Variants in EHMT1 observed in about 807,000 individuals in gnomAD.
EHMT1 encodes the protein histone-lysine N-methyltransferase EHMT1.
EHMT1 carries 15 observed loss-of-function variants against 147.2 expected under a neutral mutation model. The ratio of observed to expected loss-of-function variants is 0.10; its 90% confidence interval spans 0.07 to 0.16. The LOEUF (loss-of-function observed/expected upper bound fraction) is 0.16, where lower values mean the gene tolerates loss of function less well. EHMT1 is among the 10% of genes least tolerant of loss of function. EHMT1 has a pLI of 1.00. For missense variants in EHMT1, 1,587 were observed against 1,772.4 expected (o/e 0.90, Z 1.88); for synonymous variants, 795 against 709.6 (o/e 1.12, Z -1.91).
intron 1 of EHMT1, chr9:137,650,884 C>T (rs1167599968): frequency 1.3e-5 from 2 of 151,912 alleles, no homozygotes; most frequent in Non-Finnish European, 2.9e-5. Context: ...GCTGGTTGAA[C>T]TCCTGGGCTC....
At chr9:137,730,537 T>C (rs1947016691) in intron 4 of EHMT1, among the ~76,000 whole-genome samples, 1 of 152,216 alleles carries the variant, frequency 6.6e-6, no homozygotes, top group Non-Finnish European at 1.5e-5. Flanking sequence ...GCAGTCCTCC[T>C]GACTTGGCCT....
At chr9:137,713,035 T>A (rs900587671) in intron 2 of EHMT1, among the ~76,000 whole-genome samples, 2 of 152,208 alleles carry the variant, frequency 1.3e-5, no homozygotes, top group East Asian at 3.8e-4. Context: ...AAAAAGACCT[T>A]TCTTCCCTCA....
intron 8 of EHMT1, among the ~76,000 whole-genome samples, chr9:137,756,183 G>C (rs1949363177): frequency 6.6e-6 from 1 of 152,190 alleles, no homozygotes. Flanking sequence ...CTCCGCGCTT[G>C]CCTGTCGGTT....
At chr9:137,674,352 A>C (rs1941014117) in intron 1 of EHMT1, among the ~76,000 whole-genome samples, 1 of 152,212 alleles carries the variant, frequency 6.6e-6, no homozygotes, top group East Asian at 1.9e-4. Context: ...TCTATCAAAG[A>C]GCACCAACAT....
intron 1 of EHMT1, among the ~76,000 whole-genome samples, chr9:137,707,906 A>G (rs2135324642): frequency 6.6e-6 from 1 of 152,340 alleles, no homozygotes; most frequent in East Asian, 1.9e-4. Context: ...CCTTGTCGGC[A>G]GAGCTGTGCC....
At chr9:137,767,271 A>G (rs1456038274) in intron 10 of EHMT1, among the ~76,000 whole-genome samples, 1 of 152,204 alleles carries the variant, frequency 6.6e-6, no homozygotes, top group Non-Finnish European at 1.5e-5. Context: ...AGCTGCCACC[A>G]TGCCTGGTGG....
At chr9:137,653,607 C>T (rs890459835) in intron 1 of EHMT1, among the ~76,000 whole-genome samples, 1 of 152,126 alleles carries the variant, frequency 6.6e-6, no homozygotes, top group African/African-American at 2.4e-5. Context: ...CAGCTCACTG[C>T]AACCTCTGCC....
intron 9 of EHMT1, among the ~76,000 whole-genome samples, chr9:137,759,598 GCTC>G (rs1949648678): frequency 6.6e-6 from 1 of 152,220 alleles, no homozygotes; most frequent in Admixed American, 6.5e-5. Flanking sequence ...GGGAGTAGAG[GCTC>G]CTCAGCTTGT....
At chr9:137,627,103 C>T (rs768003070) in intron 1 of EHMT1, among the ~76,000 whole-genome samples, 1 of 151,932 alleles carries the variant, frequency 6.6e-6, no homozygotes. Context: ...GGATTATAGG[C>T]GTGCGCCACC....
chr9:137,733,968 A>G (rs527965663), intron 4 of EHMT1, among the ~76,000 whole-genome samples: 39 of 152,294 alleles, frequency 2.6e-4, no homozygotes, highest in African/African-American at 9.1e-4. Context: ...CAACAACAAA[A>G]ACACCCCAAA....
intron 16 of EHMT1, among the ~76,000 whole-genome samples, chr9:137,791,296 T>C (rs1169510746): frequency 6.6e-6 from 1 of 152,152 alleles, no homozygotes; most frequent in Admixed American, 6.5e-5. Context: ...TCAAAGGCGT[T>C]CACATTGGAA....
intron 3 of EHMT1, among the ~76,000 whole-genome samples, chr9:137,725,844 A>C (rs1946570622): frequency 6.6e-6 from 1 of 151,984 alleles, no homozygotes; most frequent in Non-Finnish European, 1.5e-5. Context: ...TCGCCCTGGC[A>C]CACCCCTCTC....
At chr9:137,716,015 T>A (rs1401961548) in intron 2 of EHMT1, among the ~76,000 whole-genome samples, 1 of 149,534 alleles carries the variant, frequency 6.7e-6, no homozygotes, top group Non-Finnish European at 1.5e-5. Flanking sequence ...GAAATTGTGT[T>A]GGTGGTGGTG....
intron 4 of EHMT1, among the ~76,000 whole-genome samples, chr9:137,730,831 G>A (rs1287690501): frequency 6.6e-6 from 1 of 152,192 alleles, no homozygotes; most frequent in Non-Finnish European, 1.5e-5. Context: ...TTTCTCCAGG[G>A]AGCCCTGGTT....
At chr9:137,728,600 G>T in intron 4 of EHMT1, 71 bp downstream of exon 4, 1 of 1,603,128 alleles carries the variant, frequency 6.2e-7, no homozygotes, top group Non-Finnish European at 8.5e-7. Context: ...CCAGGTGAGA[G>T]TTCTGTTTGG....
rs1247745101 is a variant in EHMT1 at position 137,762,763 on chromosome 9, A to G, written c.1590A>G (p.Arg530=). ...CSCRMETPKS[R]EITTLANNQC... is the part of the protein sequence containing the mutation. Reference sequence around the variant, plus strand: ...GCCGGATGGAAACACCGAAGAGTCGAGAGATCACCACACTGGCCAACAACC... The same window carrying G: ...GCCGGATGGAAACACCGAAGAGTCGGGAGATCACCACACTGGCCAACAACC... Residue 530 remains arginine (R), a synonymous_variant, in exon 10 of 27, where the codon CGA becomes CGG. Coordinates refer to ENST00000460843, the MANE Select transcript of EHMT1 (RefSeq NM_024757.5). 1 of 1,614,272 alleles carries G rather than the reference A, an allele frequency of 6.2e-7. No homozygotes were observed. The highest frequency in any genetic ancestry group is 1.1e-5 in the South Asian group (1 of 91,092).
chr9:137,686,800 G>A (rs1045383767), intron 1 of EHMT1, among the ~76,000 whole-genome samples: 2 of 146,650 alleles, frequency 1.4e-5, no homozygotes, highest in African/African-American at 2.6e-5. Flanking sequence ...GCGTGATCTC[G>A]GCTCGCTACA....
intron 1 of EHMT1, among the ~76,000 whole-genome samples, chr9:137,682,746 G>A (rs1942076562): frequency 6.6e-6 from 1 of 152,244 alleles, no homozygotes; most frequent in Non-Finnish European, 1.5e-5. Flanking sequence ...CCCTGAGGAT[G>A]ACGGCTGCTC....
Position 137,835,163 on chromosome 9 carries a change from C to T in EHMT1, c.*210C>T. The T allele has an allele frequency of 2.0e-6, 1 of 491,352 alleles. No individual in the cohort carries two copies. The highest frequency in any genetic ancestry group is 3.3e-6 in the Non-Finnish European group (1 of 301,306). 30.4% of individuals were successfully genotyped at this position (491,352 alleles called of 1,614,324 possible). A position where few individuals can be genotyped will look rare whatever the true frequency, so the allele number is the denominator to read the frequency against. On this transcript the variant is annotated 3_prime_UTR_variant, in exon 27 of 27. Transcript: ENST00000460843. ...CCCAGACCTGCGGCCTCACCGCGGG[C>T]CCAGTGCCCAGGCTGGAGCGCACAC...
Sources: gnomAD v4.1 joint callset for allele counts (sites outside exome capture counted in the v4.1 genomes callset) on GRCh38, gnomAD v4.1.1 for gene constraint, MANE v1.5 for transcripts, NCBI Gene and HGNC (gene_info 2026-07-23, HGNC 2026-07-21) for gene names.